NMBR: variants seen among roughly 807,000 people sequenced by gnomAD.
NMBR encodes neuromedin B receptor.
Under a neutral mutation model 20.5 loss-of-function variants are expected in NMBR, and 16 were observed. The observed-to-expected ratio is 0.78, with a 90% CI of 0.53 to 1.19. The LOEUF (loss-of-function observed/expected upper bound fraction) is 1.19, where lower values mean the gene tolerates loss of function less well. Ranked by LOEUF, NMBR falls within the 50% of genes most tolerant of loss-of-function variation. NMBR has a pLI of 0.00. For synonymous variants in NMBR, 212 were observed against 196.6 expected, an observed-to-expected ratio of 1.08 and a Z score of -0.65; for missense variants, 582 against 499.1, an observed-to-expected ratio of 1.17 and a Z score of -1.58.
chr6:142,144,064 T>A (rs113867618), intron 1 of NMBR, among the ~76,000 whole-genome samples: 2,189 of 152,306 alleles, frequency 0.014, 54 homozygotes, highest in African/African-American at 0.05. Flanking sequence ...TAAAATGCAA[T>A]GTTTATAGTG....
chr6:142,077,445 AATT>A (rs1776972821), intron 3 of NMBR, among the ~76,000 whole-genome samples: 1 of 150,678 alleles, frequency 6.6e-6, no homozygotes, highest in African/African-American at 2.4e-5. Flanking sequence ...TAAAAGAACT[AATT>A]ATATAAAATA....
chr6:142,095,760 C>G (rs1182521940), intron 1 of NMBR, among the ~76,000 whole-genome samples: 1 of 152,176 alleles, frequency 6.6e-6, no homozygotes, highest in East Asian at 1.9e-4. Flanking sequence ...TGGTAGAATT[C>G]GGCTGTGAAT....
At chr6:142,096,831 A>G (rs1384536418) in intron 1 of NMBR, among the ~76,000 whole-genome samples, 3 of 151,586 alleles carry the variant, frequency 2.0e-5, no homozygotes, top group Non-Finnish European at 2.9e-5. Context: ...GTCTCTAAGG[A>G]CTTGCTTTAT....
At chr6:142,118,414 T>G (rs1777888081) in intron 1 of NMBR, among the ~76,000 whole-genome samples, 1 of 151,974 alleles carries the variant, frequency 6.6e-6, no homozygotes, top group South Asian at 2.1e-4. Flanking sequence ...GCAGATTGTC[T>G]CATAATCGAA....
chr6:142,110,562 T>G (rs1249874016), intron 1 of NMBR, among the ~76,000 whole-genome samples: 1 of 152,110 alleles, frequency 6.6e-6, no homozygotes, highest in Non-Finnish European at 1.5e-5. Context: ...GAAAGATTAG[T>G]GGTTGCCTAG....
intron 1 of NMBR, among the ~76,000 whole-genome samples, chr6:142,094,422 T>G (rs928889418): frequency 7.2e-5 from 11 of 152,142 alleles, no homozygotes; most frequent in East Asian, 1.9e-4. Flanking sequence ...TTTCCCCATT[T>G]CTTGTTTTTG....
At chr6:142,136,769 TTG>T (rs1181554794) in intron 1 of NMBR, among the ~76,000 whole-genome samples, 4 of 152,212 alleles carry the variant, frequency 2.6e-5, no homozygotes, top group Admixed American at 6.5e-5. Flanking sequence ...TCCCCATTGT[TTG>T]TTTTTCTCAG....
At chr6:142,100,903 T>C (rs1456006970) in intron 1 of NMBR, among the ~76,000 whole-genome samples, 2 of 152,136 alleles carry the variant, frequency 1.3e-5, no homozygotes, top group East Asian at 3.9e-4. Context: ...ATACTATAAA[T>C]TGGGTAGCTT....
chr6:142,145,306 G>T (rs925470540), intron 1 of NMBR, among the ~76,000 whole-genome samples: 7 of 152,086 alleles, frequency 4.6e-5, no homozygotes, highest in Non-Finnish European at 8.8e-5. Flanking sequence ...TCAGACATAA[G>T]ATGATGGAAT....
chr6:142,105,005 C>T (rs191396247), intron 1 of NMBR, among the ~76,000 whole-genome samples: 254 of 150,866 alleles, frequency 1.7e-3, no homozygotes, highest in African/African-American at 5.6e-3. Context: ...TTCTCAAGGG[C>T]GGGAAGAATA....
chr6:142,081,645 C>T (rs533724040), intron 2 of NMBR, among the ~76,000 whole-genome samples: 159 of 152,130 alleles, frequency 1.0e-3, no homozygotes, highest in African/African-American at 3.7e-3. Flanking sequence ...ATGTTGTATA[C>T]CAACTGTGTG....
At chr6:142,097,364 C>T (rs1293093579) in intron 1 of NMBR, among the ~76,000 whole-genome samples, 4 of 152,010 alleles carry the variant, frequency 2.6e-5, no homozygotes, top group African/African-American at 7.2e-5. Context: ...TTAGGGTAGG[C>T]CTGGTGGTGC....
intron 1 of NMBR, among the ~76,000 whole-genome samples, chr6:142,109,786 G>T (rs1777727468): frequency 1.3e-5 from 2 of 152,004 alleles, no homozygotes; most frequent in Admixed American, 1.3e-4. Context: ...GAAGTGATTA[G>T]GTCATAAGGG....
At position 142,078,800 on chromosome 6, in the gene NMBR, C is replaced by A. The variant is rs778365398; in HGVS notation, c.526G>T (p.Val176Phe). The change falls in exon 3 of 4, where the codon GTT (valine) becomes TTT (phenylalanine). Residue 176 changes from valine to phenylalanine, a missense_variant. By Grantham distance (50) the Val-to-Phe change is conservative. Transcript: ENST00000258042. ...GIWVVSVLLA[V>F]PEAVFSEVAR... ...ACTTCTGAAAACACCGCTTCGGGAA[C>A]TGCCAGCAACACGGAGACCACCCAG... 1.9e-6 allele frequency: 3 copies of A among 1,613,842 alleles called. No homozygotes were observed. The highest frequency in any genetic ancestry group is 2.2e-5 in the East Asian group (1 of 44,832).
chr6:142,088,922 A>C lies in NMBR; in HGVS notation c.-264T>G. The C allele has an allele frequency of 2.6e-6, 1 of 384,902 alleles. No homozygotes were observed. Among genetic ancestry groups the C allele is most frequent in the East Asian group, 4.4e-5 (1 of 22,898 alleles). The allele number at this position is 384,902 out of a possible 1,614,324, so 23.8% of individuals were successfully genotyped here. ...TAAATTAAAAAAAAAAAAAAAGCAA[A>C]GCGGTTGCGTCTTTGTTCCGTATTC... On this transcript the variant is annotated 5_prime_UTR_variant, in exon 2 of 4. Coordinates refer to ENST00000258042, the MANE Select transcript of NMBR (RefSeq NM_002511.4).
At chr6:142,080,777 T>A (rs1207877838) in intron 2 of NMBR, among the ~76,000 whole-genome samples, 1 of 152,206 alleles carries the variant, frequency 6.6e-6, no homozygotes, top group Non-Finnish European at 1.5e-5. Context: ...ATTTTTTTTC[T>A]GTGGAAGAAG....
intron 1 of NMBR, among the ~76,000 whole-genome samples, chr6:142,146,610 GA>G (rs755877141): frequency 0.012 from 1,720 of 145,546 alleles, 17 homozygotes; most frequent in Middle Eastern, 0.018. Context: ...TCACTCTCCA[GA>G]AAAAAAAAAG....
intron 1 of NMBR, among the ~76,000 whole-genome samples, chr6:142,102,912 G>T (rs558970651): frequency 3.7e-4 from 57 of 152,320 alleles, no homozygotes; most frequent in South Asian, 2.7e-3. Context: ...AAAATGGAAA[G>T]ATAAGAGTCT....
intron 1 of NMBR, among the ~76,000 whole-genome samples, chr6:142,097,192 T>C (rs1777471022): frequency 6.6e-6 from 1 of 152,144 alleles, no homozygotes; most frequent in Non-Finnish European, 1.5e-5. Context: ...AATATTGTTA[T>C]GTGTGAATTT....
Sources: allele counts gnomAD v4.1 joint callset (sites outside exome capture counted in the v4.1 genomes callset), GRCh38; gene constraint gnomAD v4.1.1; transcripts MANE v1.5; gene names NCBI Gene and HGNC (gene_info 2026-07-23, HGNC 2026-07-21).